Variants in SOX5 observed in about 807,000 individuals in gnomAD.
The protein encoded by SOX5 is SRY-box transcription factor 5.
A neutral mutation model predicts 92.0 loss-of-function variants in SOX5; 9 were observed. The observed-to-expected ratio is 0.10, with a 90% CI of 0.06 to 0.17. The LOEUF is 0.17. SOX5 is among the 10% of genes least tolerant of loss of function. The pLI is 1.00. For synonymous variants in SOX5, 344 were observed against 336.3 expected, an observed-to-expected ratio of 1.02 and a Z score of -0.25; for missense variants, 642 against 944.5, an observed-to-expected ratio of 0.68 and a Z score of 4.20.
At chr12:24,346,179 T>C (rs1049475829) in intron 2 of SOX5, among the ~76,000 whole-genome samples, 6 of 152,222 alleles carry the variant, frequency 3.9e-5, no homozygotes, top group Non-Finnish European at 7.3e-5. Flanking sequence ...TCCATGCATT[T>C]AGGGAAATTT....
intron 2 of SOX5, among the ~76,000 whole-genome samples, chr12:24,366,148 T>TA (rs1237588649): frequency 1.3e-5 from 2 of 152,168 alleles, no homozygotes; most frequent in East Asian, 3.8e-4. Context: ...CGAAGGCTTC[T>TA]AGAATGACAT....
intron 4 of SOX5, among the ~76,000 whole-genome samples, chr12:23,746,638 T>C (rs1183921856): frequency 6.6e-6 from 1 of 152,144 alleles, no homozygotes; most frequent in South Asian, 2.1e-4. Context: ...ATAGCAGTCA[T>C]TTATACTTCT....
At chr12:23,949,719 CCT>C, upstream of SOX5, 7 of 1,223,260 alleles carry the variant, frequency 5.7e-6, no homozygotes, top group East Asian at 3.2e-5. Context: ...CTCTTCCCCC[CCT>C]CCCTCCCTCC....
chr12:24,407,945 C>T (rs1031141823), intron 1 of SOX5, among the ~76,000 whole-genome samples: 1 of 152,126 alleles, frequency 6.6e-6, no homozygotes, highest in Non-Finnish European at 1.5e-5. Flanking sequence ...AAAATAAACC[C>T]AGGTTAGGGA....
At chr12:24,004,185 A>C (rs1951898418) in intron 4 of SOX5, among the ~76,000 whole-genome samples, 1 of 151,864 alleles carries the variant, frequency 6.6e-6, no homozygotes, top group Non-Finnish European at 1.5e-5. Flanking sequence ...TAAAAACTAC[A>C]TCTAGAAATG....
At chr12:24,122,596 C>G (rs1948738677) in intron 4 of SOX5, among the ~76,000 whole-genome samples, 2 of 152,234 alleles carry the variant, frequency 1.3e-5, no homozygotes, top group South Asian at 4.1e-4. Flanking sequence ...AATGTTTAAT[C>G]TATATCCTGT....
intron 10 of SOX5, among the ~76,000 whole-genome samples, chr12:23,563,656 A>G (rs1468082711): frequency 1.3e-5 from 2 of 152,218 alleles, no homozygotes; most frequent in African/African-American, 4.8e-5. Context: ...GTTGTTTCCA[A>G]CTATTTTGAA....
At chr12:23,949,731 CCTCTCTCTCTCT>C (rs141363242), upstream of SOX5, 22 of 749,482 alleles carry the variant, frequency 2.9e-5, no homozygotes, top group Non-Finnish European at 3.8e-5. Flanking sequence ...TCCCTCCCTC[CCTCTCTCTCTCT>C]CTCTCTCTCC....
rs189866284 is a variant in SOX5, at chr12:24,486,138, C to T, written c.-251+76191G>A. On this transcript the variant is annotated intron_variant, in intron 1 of 4. Coordinates refer to the SOX5 transcript ENST00000446891. ...TTTTTGTAGAGACAGGGTCTTTCTGCGTTGCCCAGGCCAGTCTCGAACTCC... is the reference window on the plus strand; with the variant it reads ...TTTTTGTAGAGACAGGGTCTTTCTGTGTTGCCCAGGCCAGTCTCGAACTCC... Among the ~76,000 whole-genome samples, 299 of 152,162 alleles carry T rather than the reference C, an allele frequency of 2.0e-3. 4 individuals are homozygous for T. The highest frequency in any genetic ancestry group is 0.018 in the Admixed American group (268 of 15,274).
chr12:24,288,782 T>C (rs764844266), intron 2 of SOX5, among the ~76,000 whole-genome samples: 1 of 151,094 alleles, frequency 6.6e-6, no homozygotes, highest in African/African-American at 2.4e-5. Flanking sequence ...GAGGAAGGAG[T>C]GTGCGGCCCC....
intron 1 of SOX5, among the ~76,000 whole-genome samples, chr12:24,389,467 G>T (rs1286608499): frequency 6.6e-6 from 1 of 152,142 alleles, no homozygotes; most frequent in Non-Finnish European, 1.5e-5. Flanking sequence ...AAGATATGCA[G>T]GTTAGGTAAA....
chr12:24,341,075 A>G (rs1186371206), intron 2 of SOX5, among the ~76,000 whole-genome samples: 1 of 152,242 alleles, frequency 6.6e-6, no homozygotes, highest in African/African-American at 2.4e-5. Flanking sequence ...TAAAAATGTC[A>G]TAGTACAAAA....
intron 3 of SOX5, among the ~76,000 whole-genome samples, chr12:24,267,217 C>T (rs937629891): frequency 1.4e-4 from 22 of 152,164 alleles, no homozygotes; most frequent in Middle Eastern, 3.4e-3. Flanking sequence ...CGGAGCAAGA[C>T]CCTGTCTCAA....
chr12:23,621,672 TAC>T (rs2077198449), intron 8 of SOX5, among the ~76,000 whole-genome samples: 1 of 152,022 alleles, frequency 6.6e-6, no homozygotes, highest in Non-Finnish European at 1.5e-5. Flanking sequence ...CTTTAAAAAA[TAC>T]TCAACATACA....
intron 3 of SOX5, among the ~76,000 whole-genome samples, chr12:24,215,415 T>C (rs2139725725): frequency 6.6e-6 from 1 of 152,230 alleles, no homozygotes; most frequent in Admixed American, 6.5e-5. Context: ...TGCAGGATAG[T>C]TGATCAATAT....
chr12:24,485,082 T>A (rs1018110881), intron 1 of SOX5, among the ~76,000 whole-genome samples: 2 of 151,986 alleles, frequency 1.3e-5, no homozygotes, highest in African/African-American at 4.8e-5. Flanking sequence ...ATTAGGAAAA[T>A]GGTCTGCACA....
intron 8 of SOX5, among the ~76,000 whole-genome samples, chr12:23,610,508 C>T (rs1479602118): frequency 2.6e-5 from 4 of 151,958 alleles, no homozygotes; most frequent in Non-Finnish European, 4.4e-5. Context: ...AAACAAGGAA[C>T]AGTAAAATTG....
intron 3 of SOX5, among the ~76,000 whole-genome samples, chr12:24,245,158 T>C (rs1300772764): frequency 1.3e-5 from 2 of 152,116 alleles, no homozygotes; most frequent in Non-Finnish European, 1.5e-5. Context: ...TGTAATTGTT[T>C]AATTGACACT....
intron 2 of SOX5, among the ~76,000 whole-genome samples, chr12:24,291,857 A>T (rs965947558): frequency 1.3e-5 from 2 of 152,238 alleles, no homozygotes; most frequent in Non-Finnish European, 2.9e-5. Flanking sequence ...CACGACATGT[A>T]TTGAGTGTTG....
Sources: allele counts gnomAD v4.1 joint callset (sites outside exome capture counted in the v4.1 genomes callset), GRCh38; gene constraint gnomAD v4.1.1; transcripts MANE v1.5; gene names NCBI Gene and HGNC (gene_info 2026-07-23, HGNC 2026-07-21).